The following ABCA4 variants were observed in gnomAD, a reference collection of about 807,000 sequenced individuals.
The protein encoded by ABCA4 is ATP binding cassette subfamily A member 4.
A neutral mutation model predicts 263.7 loss-of-function variants in ABCA4; 196 were observed. The observed-to-expected ratio is 0.74, with a 90% CI of 0.66 to 0.84. The LOEUF (loss-of-function observed/expected upper bound fraction) is 0.84, where lower values mean the gene tolerates loss of function less well. Ranked by LOEUF, ABCA4 falls within the 40% of genes least tolerant of loss-of-function variation. The pLI, the probability that ABCA4 is intolerant of heterozygous loss-of-function variation, is 0.00. For synonymous variants in ABCA4, 1,133 were observed against 1,094.2 expected, an observed-to-expected ratio of 1.04 and a Z score of -0.70; for missense variants, 2,792 against 2,855.1, an observed-to-expected ratio of 0.98 and a Z score of 0.50.
At chr1:94,117,007 T>TTTC (rs200297582) in intron 1 of ABCA4, among the ~76,000 whole-genome samples, 4,935 of 116,216 alleles carry the variant, frequency 0.042, 136 homozygotes, top group Middle Eastern at 0.078. Flanking sequence ...TCTTTCTTTC[T>TTTC]TTCTTTCTTT....
At chr1:94,028,784 C>A (rs1345748592) in intron 30 of ABCA4, among the ~76,000 whole-genome samples, 3 of 151,632 alleles carry the variant, frequency 2.0e-5, no homozygotes, top group Admixed American at 6.6e-5. Flanking sequence ...ATGGTGCATG[C>A]CTGTAATCCC....
intron 30 of ABCA4, among the ~76,000 whole-genome samples, chr1:94,027,997 T>C (rs1346003842): frequency 1.3e-5 from 2 of 152,222 alleles, no homozygotes; most frequent in Non-Finnish European, 2.9e-5. Flanking sequence ...TTATCTGCTG[T>C]TAGTTTGGGG....
chr1:94,045,715 G>A (rs1000164879), intron 19 of ABCA4: 2 of 455,930 alleles, frequency 4.4e-6, no homozygotes, highest in Non-Finnish European at 8.8e-6. Context: ...GAGGGAAACA[G>A]AACCAATTAG....
chr1:94,048,979 G>A (rs898246529), intron 17 of ABCA4, 22 bp from the exon 18 acceptor site: 15 of 1,612,218 alleles, frequency 9.3e-6, no homozygotes, highest in Non-Finnish European at 1.2e-5. Context: ...AGAAGCCAGT[G>A]TTACTCTACC....
chr1:94,096,931 C>A lies in ABCA4; in HGVS notation c.768+1863G>T, dbSNP rs571476220. 2.0e-5 allele frequency among the ~76,000 whole-genome samples: 3 copies of A among 152,164 alleles called. No homozygotes were observed. The East Asian group carries it at 5.8e-4, about 29-fold the overall frequency. ...CATTCTGCCCATTCTACAAAGCATG[C>A]GGGCCCTGGACACCTGAGAGGGAGC... On this transcript the variant is annotated intron_variant, in intron 6 of 49. Transcript: ENST00000370225.
At position 93,997,796 on chromosome 1, in the gene ABCA4, C is replaced by A; in HGVS notation, c.6729+65G>T. 2 of 1,607,994 alleles carry A rather than the reference C, an allele frequency of 1.2e-6. 1 individual carries two copies. Among genetic ancestry groups the A allele is most frequent in the South Asian group, 2.2e-5 (2 of 89,754 alleles). ...GTTATGCCTCCCTCTTATGGCAATTCCAACCCACACTGGGTGTTCTGGACC... is the reference window on the plus strand; with the variant it reads ...GTTATGCCTCCCTCTTATGGCAATTACAACCCACACTGGGTGTTCTGGACC... On this transcript the variant is annotated intron_variant, in intron 48 of 49. Coordinates refer to ENST00000370225, the MANE Select transcript of ABCA4 (RefSeq NM_000350.3).
At chr1:94,048,725 G>A in intron 18 of ABCA4, 143 bp downstream of exon 18, 1 of 781,540 alleles carries the variant, frequency 1.3e-6, no homozygotes, top group Non-Finnish European at 2.2e-6. Context: ...TCTGAGAAGG[G>A]ATCTGGTTTA....
chr1:94,058,517 G>A (rs1040654693), intron 14 of ABCA4, among the ~76,000 whole-genome samples: 5 of 152,066 alleles, frequency 3.3e-5, no homozygotes, highest in South Asian at 2.1e-4. Context: ...ATGTGCCACC[G>A]CACCTGGCTA....
rs1659062656 is a variant in ABCA4, at chr1:93,998,099, C to T, written c.6491G>A (p.Gly2164Asp). 1 of 1,614,044 alleles carries T rather than the reference C, an allele frequency of 6.2e-7. No individual in the cohort carries two copies. Among genetic ancestry groups the T allele is most frequent in the African/African-American group, 1.3e-5 (1 of 74,916 alleles). The change falls in exon 48 of 50, where the codon GGC becomes GAC. Residue 2164 changes from glycine to aspartate, a missense_variant. Gly to Asp is a moderately conservative substitution (Grantham distance 94). Transcript: ENST00000370225. Reference protein sequence around the residue: ...IQHLKSKFGDGYIVTMKIKSP... With the variant: ...IQHLKSKFGDDYIVTMKIKSP... ...TTTGATCTTCATTGTGACGATATAG[C>T]CATCTCCAAATCTAGGGGATGCACA...
At position 94,055,108 on chromosome 1, in the gene ABCA4, T is replaced by C; in HGVS notation, c.2587+3A>G. The C allele has an allele frequency of 6.2e-7, 1 of 1,613,960 alleles. No individual in the cohort carries two copies. The highest frequency in any genetic ancestry group is 8.5e-7 in the Non-Finnish European group (1 of 1,179,868). ...CCTTTACCCTATAGAGGAGGATGCT[T>C]ACCTGGAAACACCTGATCAAGGTAC... On this transcript the variant is annotated splice_donor_region_variant and intron_variant, in intron 16 of 49. Transcript: ENST00000370225.
At chr1:94,056,521 G>C (rs991768583) in intron 15 of ABCA4, 80 bp downstream of exon 15, 1 of 1,446,200 alleles carries the variant, frequency 6.9e-7, no homozygotes, top group Non-Finnish European at 9.6e-7. Flanking sequence ...CCCCTCAGAG[G>C]GCAGGCTGGG....
chr1:93,997,664 T>A (rs1222602835), intron 48 of ABCA4, among the ~76,000 whole-genome samples, 197 bp downstream of exon 48: 2 of 152,130 alleles, frequency 1.3e-5, no homozygotes, highest in African/African-American at 2.4e-5. Context: ...AAAAAAAGAA[T>A]CAATGAAGTT....
chr1:94,112,238 C>T (rs1408002747), intron 2 of ABCA4, among the ~76,000 whole-genome samples: 1 of 152,142 alleles, frequency 6.6e-6, no homozygotes, highest in Admixed American at 6.5e-5. Context: ...CTGCAGACAC[C>T]TCAGGGGTCC....
chr1:94,112,368 C>G (rs1662632022), intron 2 of ABCA4, among the ~76,000 whole-genome samples: 1 of 152,170 alleles, frequency 6.6e-6, no homozygotes, highest in Non-Finnish European at 1.5e-5. Flanking sequence ...AACTCATCTA[C>G]AAATCTGTTC....
intron 3 of ABCA4, among the ~76,000 whole-genome samples, chr1:94,109,558 G>A (rs188019033): frequency 9.8e-5 from 15 of 152,318 alleles, no homozygotes; most frequent in African/African-American, 2.6e-4. Context: ...TGCCCAGGCC[G>A]AGGTATTGTG....
intron 29 of ABCA4, 77 bp downstream of exon 29, chr1:94,030,351 G>A (rs998172344): frequency 2.0e-5 from 26 of 1,305,632 alleles, no homozygotes; most frequent in South Asian, 3.6e-5. Flanking sequence ...CCTCCCCAAC[G>A]CCTGCCATCT....
intron 6 of ABCA4, among the ~76,000 whole-genome samples, chr1:94,097,851 G>A (rs1034549381): frequency 1.1e-4 from 17 of 152,316 alleles, no homozygotes; most frequent in South Asian, 6.2e-4. Context: ...CCGGGTTCAC[G>A]CCATTCTCCG....
chr1:94,079,176 T>TG, intron 9 of ABCA4, 146 bp downstream of exon 9: 1 of 1,170,454 alleles, frequency 8.5e-7, no homozygotes, highest in Non-Finnish European at 1.3e-6. Flanking sequence ...TGACTGTGGA[T>TG]GGGGGAGGAA....
chr1:94,080,497 A>G lies in ABCA4; in HGVS notation c.1080T>C (p.Tyr360=), dbSNP rs375658453. 6.2e-6 allele frequency: 10 copies of G among 1,614,204 alleles called. No individual in the cohort carries two copies. The highest frequency in any genetic ancestry group is 7.6e-6 in the Non-Finnish European group (9 of 1,180,030). Residue 360 remains tyrosine (Y), a synonymous_variant, in exon 8 of 50, where the codon TAT becomes TAC. Coordinates refer to ENST00000370225, the MANE Select transcript of ABCA4 (RefSeq NM_000350.3). ...ACTTACTTGTTCTTCTGTCATAAGAATAGATAGGATCCTTCCTTGTGGAGT... is the reference window on the plus strand; with the variant it reads ...ACTTACTTGTTCTTCTGTCATAAGAGTAGATAGGATCCTTCCTTGTGGAGT... ...GIDSTRKDPI[Y]SYDRRTTSFC... is the part of the protein sequence containing the mutation.
Sources: gnomAD v4.1 joint callset for allele counts (sites outside exome capture counted in the v4.1 genomes callset) on GRCh38, gnomAD v4.1.1 for gene constraint, MANE v1.5 for transcripts, NCBI Gene and HGNC (gene_info 2026-07-23, HGNC 2026-07-21) for gene names.